The following DTHD1 variants were observed in gnomAD, a reference collection of about 807,000 sequenced individuals.
The protein encoded by DTHD1 is death domain-containing protein 1.
A neutral mutation model predicts 74.8 loss-of-function variants in DTHD1; 59 were observed. The ratio of observed to expected loss-of-function variants is 0.79; its 90% CI spans 0.64 to 0.98. The LOEUF is 0.98. Among genes scored for constraint, DTHD1 ranks in the 50% least tolerant of loss-of-function variants. The pLI, the probability that DTHD1 is intolerant of heterozygous loss-of-function variation, is 0.00. For synonymous variants in DTHD1, 365 were observed against 371.1 expected (o/e 0.98, Z 0.19); for missense variants, 1,051 against 1,065.4 (o/e 0.99, Z 0.19).
At chr4:36,329,085 C>T (rs1044970282) in intron 8 of DTHD1, among the ~76,000 whole-genome samples, 2 of 152,226 alleles carry the variant, frequency 1.3e-5, no homozygotes, top group Non-Finnish European at 2.9e-5. Context: ...CAGCTTCCTT[C>T]TATTCCTTGG....
At chr4:36,284,655 G>A (rs1025571782) in intron 2 of DTHD1, 64 bp downstream of exon 2, 2 of 1,242,008 alleles carry the variant, frequency 1.6e-6, no homozygotes, top group East Asian at 2.6e-5. Flanking sequence ...TCTATAGTTA[G>A]TACATGTCTT....
chr4:36,313,908 T>A (rs955236130), intron 7 of DTHD1, among the ~76,000 whole-genome samples: 2 of 152,122 alleles, frequency 1.3e-5, no homozygotes, highest in African/African-American at 2.4e-5. Flanking sequence ...AAACAGAAGT[T>A]AGCCAGATGT....
rs113098451 is a variant in DTHD1 at position 36,298,898 on chromosome 4, G to C, written c.1643+3859G>C. Among the ~76,000 whole-genome samples the C allele has an allele frequency of 9.8e-3, 1,489 of 152,170 alleles. 15 individuals carry two copies. Among genetic ancestry groups the C allele is most frequent in the Middle Eastern group, 0.02 (6 of 294 alleles). On this transcript the variant is annotated intron_variant, in intron 5 of 9. Transcript: ENST00000639862. ...ACAATGCAATTGTTTTTAAGATTAA[G>C]TTGTTCAAATGTAATATGTGATTCA...
intron 7 of DTHD1, among the ~76,000 whole-genome samples, chr4:36,315,151 T>G (rs1757640115): frequency 6.6e-6 from 1 of 152,226 alleles, no homozygotes; most frequent in Admixed American, 6.5e-5. Flanking sequence ...ATATATTGCC[T>G]TAGGAAACAT....
chr4:36,288,257 C>T (rs1179644103), intron 2 of DTHD1, among the ~76,000 whole-genome samples: 3 of 152,124 alleles, frequency 2.0e-5, no homozygotes, highest in Admixed American at 6.5e-5. Flanking sequence ...CACCAGCATG[C>T]CAGCTAATTT....
chr4:36,294,054 C>T (rs143453711), intron 4 of DTHD1, among the ~76,000 whole-genome samples: 6 of 151,288 alleles, frequency 4.0e-5, no homozygotes, highest in Admixed American at 6.6e-5. Context: ...TTTTGATCAG[C>T]GAGGATGACA....
At chr4:36,286,684 C>T (rs927058279) in intron 2 of DTHD1, among the ~76,000 whole-genome samples, 3 of 152,204 alleles carry the variant, frequency 2.0e-5, no homozygotes, top group African/African-American at 7.2e-5. Context: ...AATGTGCATA[C>T]ACAAATCTAG....
At chr4:36,341,762 C>T (rs1314472318) in intron 9 of DTHD1, among the ~76,000 whole-genome samples, 1 of 152,128 alleles carries the variant, frequency 6.6e-6, no homozygotes, top group Non-Finnish European at 1.5e-5. Flanking sequence ...GGACACAAGA[C>T]CATCATTGAT....
chr4:36,299,751 C>T (rs1380324563), intron 5 of DTHD1, among the ~76,000 whole-genome samples: 1 of 152,212 alleles, frequency 6.6e-6, no homozygotes, highest in Non-Finnish European at 1.5e-5. Flanking sequence ...AATTTATTCA[C>T]ATTCCAGTTT....
intron 5 of DTHD1, among the ~76,000 whole-genome samples, chr4:36,305,375 C>T (rs1756982870): frequency 6.6e-6 from 1 of 152,012 alleles, no homozygotes; most frequent in Non-Finnish European, 1.5e-5. Flanking sequence ...TCTTACATGG[C>T]AGAAGGCAAG....
chr4:36,316,719 A>G (rs2109523043), intron 8 of DTHD1, among the ~76,000 whole-genome samples: 1 of 152,350 alleles, frequency 6.6e-6, no homozygotes, highest in East Asian at 1.9e-4. Flanking sequence ...TCTGGTCCCC[A>G]CAGCATGTTG....
intron 8 of DTHD1, among the ~76,000 whole-genome samples, chr4:36,318,311 T>A (rs899364707): frequency 2.6e-5 from 4 of 152,214 alleles, no homozygotes; most frequent in African/African-American, 9.6e-5. Flanking sequence ...ACACCTTTGA[T>A]GTTGTATGAT....
chr4:36,334,447 C>G (rs1758888404), intron 8 of DTHD1, among the ~76,000 whole-genome samples: 1 of 151,892 alleles, frequency 6.6e-6, no homozygotes, highest in South Asian at 2.1e-4. Flanking sequence ...CAACCTTGGC[C>G]TCCCGGGATC....
At chr4:36,334,734 G>A (rs1453353309) in intron 8 of DTHD1, among the ~76,000 whole-genome samples, 1 of 152,200 alleles carries the variant, frequency 6.6e-6, no homozygotes, top group Non-Finnish European at 1.5e-5. Flanking sequence ...TAAGGCATGT[G>A]TTTTTCAAAA....
At chr4:36,319,445 T>A (rs1369424896) in intron 8 of DTHD1, among the ~76,000 whole-genome samples, 1 of 152,230 alleles carries the variant, frequency 6.6e-6, no homozygotes, top group East Asian at 1.9e-4. Flanking sequence ...TGGATCAGCA[T>A]GAAGATGTGG....
intron 8 of DTHD1, among the ~76,000 whole-genome samples, chr4:36,324,558 G>A (rs1758229126): frequency 2.0e-5 from 3 of 151,940 alleles, no homozygotes; most frequent in African/African-American, 7.3e-5. Context: ...AACTGTTTTT[G>A]TTTTTATTTT....
At chr4:36,299,086 C>T (rs1756609814) in intron 5 of DTHD1, among the ~76,000 whole-genome samples, 1 of 152,126 alleles carries the variant, frequency 6.6e-6, no homozygotes, top group African/African-American at 2.4e-5. Flanking sequence ...CACAGTCACT[C>T]ATCCCCACCA....
rs73117700 is a variant in DTHD1, at chr4:36,309,900, T to C, written c.2095+1407T>C. ...TCTCCAGTTTCTATTGTTGCCATCC[T>C]CATGTCCATGTGCACCTAAGGTTTA... On this transcript the variant is annotated intron_variant, in intron 7 of 9. Transcript: ENST00000639862. Among the ~76,000 whole-genome samples the C allele has an allele frequency of 5.3e-3, 808 of 152,376 alleles. 6 individuals are homozygous for C. Among genetic ancestry groups the C allele is most frequent in the African/African-American group, 0.018 (760 of 41,584 alleles).
chr4:36,294,669 C>T, intron 4 of DTHD1, 126 bp from the exon 5 acceptor site: 1 of 833,318 alleles, frequency 1.2e-6, no homozygotes, highest in Non-Finnish European at 1.7e-6. Context: ...TTGATTACAA[C>T]TAACAATACA....
Sources: gnomAD v4.1 joint callset for allele counts (sites outside exome capture counted in the v4.1 genomes callset) on GRCh38, gnomAD v4.1.1 for gene constraint, MANE v1.5 for transcripts, NCBI Gene and HGNC (gene_info 2026-07-23, HGNC 2026-07-21) for gene names.